The following PSPC1 variants were observed in gnomAD, a reference collection of about 807,000 sequenced individuals.
The protein encoded by PSPC1 is paraspeckle protein 1.
PSPC1 carries 14 observed loss-of-function variants against 51.6 expected under a neutral mutation model. That is an observed-to-expected ratio of 0.27 (90% CI 0.18 to 0.42). The LOEUF (loss-of-function observed/expected upper bound fraction) is 0.42. PSPC1 is among the 10% of genes least tolerant of loss of function. The pLI is 1.00. For missense variants in PSPC1, 406 were observed against 701.1 expected (o/e 0.58, Z 4.75); for synonymous variants, 193 against 231.9 (o/e 0.83, Z 1.53).
chr13:19,719,647 C>T (rs529042014), intron 6 of PSPC1, among the ~76,000 whole-genome samples: 2 of 152,278 alleles, frequency 1.3e-5, no homozygotes, highest in East Asian at 1.9e-4. Flanking sequence ...TTGAAAGCCT[C>T]GGTCAGGTAA....
chr13:19,769,123 A>ATT (rs1888366481), intron 2 of PSPC1, among the ~76,000 whole-genome samples: 1 of 150,748 alleles, frequency 6.6e-6, no homozygotes, highest in African/African-American at 2.5e-5. Context: ...TGGGTGACAC[A>ATT]TTAAGACTCT....
intron 8 of PSPC1, among the ~76,000 whole-genome samples, chr13:19,703,806 A>G (rs1880272062): frequency 6.6e-6 from 1 of 152,214 alleles, no homozygotes; most frequent in African/African-American, 2.4e-5. Context: ...CTAAAAAAAA[A>G]TCTTCACATC....
At chr13:19,707,138 G>A (rs549859774) in intron 7 of PSPC1, among the ~76,000 whole-genome samples, 1 of 151,934 alleles carries the variant, frequency 6.6e-6, no homozygotes, top group South Asian at 2.1e-4. Context: ...TCTCTTTAAT[G>A]GAATGTAATT....
downstream of PSPC1, chr13:19,674,498 G>C (rs1469038230): frequency 6.6e-6 from 1 of 152,196 alleles, no homozygotes; most frequent in East Asian, 1.9e-4. Context: ...ATTATACTGG[G>C]TAGCTTTGAA....
chr13:19,733,999 A>G (rs1414098898), intron 5 of PSPC1, among the ~76,000 whole-genome samples: 1 of 152,090 alleles, frequency 6.6e-6, no homozygotes, highest in African/African-American at 2.4e-5. Context: ...GAGGGTATGA[A>G]AAAGTTTATA....
intron 6 of PSPC1, among the ~76,000 whole-genome samples, chr13:19,721,746 T>C (rs1882791283): frequency 6.6e-6 from 1 of 152,194 alleles, no homozygotes; most frequent in African/African-American, 2.4e-5. Flanking sequence ...TCTTCCAAAA[T>C]GGAAACCTCC....
intron 6 of PSPC1, among the ~76,000 whole-genome samples, chr13:19,725,232 T>G (rs1883239471): frequency 6.6e-6 from 1 of 152,114 alleles, no homozygotes; most frequent in Non-Finnish European, 1.5e-5. Flanking sequence ...CAGTGACTCT[T>G]TACCATTTCT....
intron 6 of PSPC1, among the ~76,000 whole-genome samples, chr13:19,717,199 A>G (rs1882201397): frequency 6.6e-6 from 1 of 152,208 alleles, no homozygotes; most frequent in Non-Finnish European, 1.5e-5. Flanking sequence ...CCTCTTTGCC[A>G]AGAAAGTATT....
chr13:19,745,750 G>C (rs1348320489), intron 4 of PSPC1, among the ~76,000 whole-genome samples: 2 of 151,440 alleles, frequency 1.3e-5, no homozygotes, highest in Non-Finnish European at 2.9e-5. Flanking sequence ...CTCCCAAGTA[G>C]CTGGGACTAC....
At chr13:19,751,762 C>G (rs1319302240) in intron 3 of PSPC1, among the ~76,000 whole-genome samples, 3 of 152,074 alleles carry the variant, frequency 2.0e-5, no homozygotes, top group Non-Finnish European at 4.4e-5. Context: ...TTTCAGTCAA[C>G]AAAATACTTT....
intron 5 of PSPC1, among the ~76,000 whole-genome samples, chr13:19,733,881 A>G (rs963551938): frequency 1.3e-5 from 2 of 152,008 alleles, no homozygotes; most frequent in Non-Finnish European, 2.9e-5. Context: ...TGAACCCCAT[A>G]AGGTGAGACT....
intron 5 of PSPC1, among the ~76,000 whole-genome samples, chr13:19,732,720 A>G (rs1211788262): frequency 6.6e-6 from 1 of 152,136 alleles, no homozygotes; most frequent in Non-Finnish European, 1.5e-5. Flanking sequence ...TGAGGTCAGG[A>G]GTTCAAGACT....
chr13:19,680,899 TTTTC>T (rs1877196470), intron 6 of PSPC1, among the ~76,000 whole-genome samples: 1 of 152,150 alleles, frequency 6.6e-6, no homozygotes, highest in African/African-American at 2.4e-5. Flanking sequence ...CCACACATAC[TTTTC>T]TATGACTTAA....
Position 19,782,262 on chromosome 13 carries a change from C to T in PSPC1, c.372+124G>A. The T allele has an allele frequency of 7.2e-7, 1 of 1,387,884 alleles. No homozygotes were observed. The highest frequency in any genetic ancestry group is 9.4e-7 in the Non-Finnish European group (1 of 1,061,946). The allele number at this position is 1,387,884 out of a possible 1,614,324, so 86.0% of individuals were successfully genotyped here. ...ACCCCGCACAGAGGAATCGATGAGGCCGAGCGGCGCCACGGTTGCCACAGG... is the reference window on the plus strand; with the variant it reads ...ACCCCGCACAGAGGAATCGATGAGGTCGAGCGGCGCCACGGTTGCCACAGG... On this transcript the variant is annotated intron_variant, in intron 1 of 8. Coordinates refer to ENST00000338910, the MANE Select transcript of PSPC1 (RefSeq NM_001354909.2). The surrounding 1 kb of genome is among the most constrained non-coding windows in gnomAD (Gnocchi z 4.5).
intron 6 of PSPC1, among the ~76,000 whole-genome samples, chr13:19,711,107 C>T (rs1417479450): frequency 6.6e-6 from 1 of 152,168 alleles, no homozygotes; most frequent in Non-Finnish European, 1.5e-5. Flanking sequence ...TCGCAATGTG[C>T]TGGGATTACA....
chr13:19,771,704 T>G (rs1432030879), intron 2 of PSPC1, among the ~76,000 whole-genome samples: 2 of 151,828 alleles, frequency 1.3e-5, no homozygotes, highest in Non-Finnish European at 2.9e-5. Context: ...CACTGCAACC[T>G]CCGACTCCCG....
intron 2 of PSPC1, among the ~76,000 whole-genome samples, chr13:19,769,328 G>C (rs1292073321): frequency 1.3e-5 from 2 of 151,930 alleles, no homozygotes; most frequent in East Asian, 3.9e-4. Context: ...GGCCGAGGCA[G>C]GTGGATCACG....
intron 5 of PSPC1, among the ~76,000 whole-genome samples, chr13:19,735,945 T>C (rs9508864): frequency 0.93 from 140,955 of 151,910 alleles, 66,256 homozygotes; most frequent in Non-Finnish European, 1. Flanking sequence ...CCTCAGACTC[T>C]GAGTAGCTGG....
chr13:19,773,311 G>A (rs12865117), intron 1 of PSPC1, among the ~76,000 whole-genome samples: 16,054 of 145,324 alleles, frequency 0.11, 997 homozygotes, highest in Middle Eastern at 0.16. Flanking sequence ...GTACAATGGC[G>A]TAATCTCGGC....
Sources: gnomAD v4.1 joint callset for allele counts (sites outside exome capture counted in the v4.1 genomes callset) on GRCh38, gnomAD v4.1.1 for gene constraint, Gnocchi (gnomAD v3.1) non-coding constraint, MANE v1.5 for transcripts, NCBI Gene and HGNC (gene_info 2026-07-23, HGNC 2026-07-21) for gene names.